SPTLC2: variants seen among roughly 807,000 people sequenced by gnomAD.
The protein encoded by SPTLC2 is serine palmitoyltransferase 2.
A neutral mutation model predicts 62.0 loss-of-function variants in SPTLC2; 21 were observed. The observed-to-expected ratio is 0.34, with a 90% confidence interval of 0.24 to 0.49. The LOEUF (loss-of-function observed/expected upper bound fraction) is 0.49, where lower values mean the gene tolerates loss of function less well. Among genes scored for constraint, SPTLC2 ranks in the 20% least tolerant of loss-of-function variants. The pLI is 0.99. For synonymous variants in SPTLC2, 261 were observed against 261.8 expected (o/e 1.00, Z 0.03); for missense variants, 511 against 713.0 (o/e 0.72, Z 3.23).
At chr14:77,607,570 T>C (rs1330860722) in intron 1 of SPTLC2, among the ~76,000 whole-genome samples, 1 of 152,214 alleles carries the variant, frequency 6.6e-6, no homozygotes, top group Non-Finnish European at 1.5e-5. Context: ...CTTTAATTAT[T>C]TCAGAGGTAC....
At chr14:77,519,328 C>T (rs1192643697) in intron 10 of SPTLC2, among the ~76,000 whole-genome samples, 2 of 152,090 alleles carry the variant, frequency 1.3e-5, no homozygotes, top group Non-Finnish European at 2.9e-5. Flanking sequence ...AGCCACTGTG[C>T]CTGGCCCAAA....
At chr14:77,551,692 A>G (rs1315242077) in intron 9 of SPTLC2, among the ~76,000 whole-genome samples, 4 of 152,194 alleles carry the variant, frequency 2.6e-5, no homozygotes, top group Non-Finnish European at 1.5e-5. Flanking sequence ...GAAAGTAGAA[A>G]CTCTTTAAAA....
chr14:77,573,352 T>C (rs139363702), intron 4 of SPTLC2, among the ~76,000 whole-genome samples: 416 of 152,218 alleles, frequency 2.7e-3, no homozygotes, highest in African/African-American at 9.7e-3. Context: ...TCCCAACATA[T>C]AGAAATAATA....
chr14:77,606,281 A>G (rs2079904568), intron 1 of SPTLC2, among the ~76,000 whole-genome samples: 1 of 152,130 alleles, frequency 6.6e-6, no homozygotes, highest in African/African-American at 2.4e-5. Context: ...AGTGAGCCAA[A>G]ACCGCGTGCC....
Position 77,557,060 on chromosome 14 carries a change from G to A in SPTLC2, c.937C>T (p.Leu313Phe). ...GATTACCTATATATTCCTTCCACAA[G>A]GATGAGAATTTTCTTCCAGGGCCTT... ...TRRPWKKILILVEGIYSMEGS... is the reference protein window; with the variant it reads ...TRRPWKKILIFVEGIYSMEGS... The change falls in exon 7 of 12, where the codon CTT becomes TTT. Residue 313 changes from leucine (L) to phenylalanine (F), a missense_variant. Transcript: ENST00000216484. 6.2e-7 allele frequency: 1 copy of A among 1,613,858 alleles called. No individual in the cohort carries two copies. The highest frequency in any genetic ancestry group is 1.1e-5 in the South Asian group (1 of 91,082).
intron 6 of SPTLC2, among the ~76,000 whole-genome samples, chr14:77,558,736 C>T (rs764653767): frequency 1.3e-4 from 20 of 152,004 alleles, no homozygotes; most frequent in Non-Finnish European, 2.9e-4. Flanking sequence ...ATTCTCCAGC[C>T]TCAGCCTCCT....
At chr14:77,583,087 C>A (rs910492964) in intron 2 of SPTLC2, among the ~76,000 whole-genome samples, 1 of 151,932 alleles carries the variant, frequency 6.6e-6, no homozygotes, top group African/African-American at 2.4e-5. Flanking sequence ...GCAGTCCCAG[C>A]AACGTGGGAG....
At chr14:77,522,419 T>A (rs1294092997) in intron 9 of SPTLC2, among the ~76,000 whole-genome samples, 1 of 152,226 alleles carries the variant, frequency 6.6e-6, no homozygotes, top group Non-Finnish European at 1.5e-5. Context: ...CACCTTGGCC[T>A]CCCAAAGTGC....
In SPTLC2 at chr14:77,559,518, C is replaced by T. The variant is rs574547519; in HGVS notation, c.851-2372G>A. 5.3e-5 allele frequency among the ~76,000 whole-genome samples: 8 copies of T among 152,162 alleles called. No homozygotes were observed. In the East Asian group the frequency reaches 9.6e-4, roughly 18 times the overall value. On this transcript the variant is annotated intron_variant, in intron 6 of 11. Coordinates refer to ENST00000216484, the MANE Select transcript of SPTLC2 (RefSeq NM_004863.4). ...AGGGTATTGTGTAAAATCCGAAAGTCGTAAAACAGTAAGTGTGGCAACAAA... is the reference window on the plus strand; with the variant it reads ...AGGGTATTGTGTAAAATCCGAAAGTTGTAAAACAGTAAGTGTGGCAACAAA...
intron 2 of SPTLC2, among the ~76,000 whole-genome samples, chr14:77,585,579 T>C (rs1178807865): frequency 6.6e-6 from 1 of 152,156 alleles, no homozygotes; most frequent in Non-Finnish European, 1.5e-5. Flanking sequence ...AAAACATGCT[T>C]AGAACTGTCT....
intron 11 of SPTLC2, among the ~76,000 whole-genome samples, chr14:77,513,881 G>C (rs564724539): frequency 4.9e-4 from 55 of 113,210 alleles, no homozygotes; most frequent in Admixed American, 4.1e-3. Flanking sequence ...GGCAACAAGA[G>C]CAAAACTCTG....
At position 77,593,826 on chromosome 14, in the gene SPTLC2, C is replaced by A. The variant is rs1479215544; in HGVS notation, c.327+3360G>T. On this transcript the variant is annotated intron_variant, in intron 2 of 11. Coordinates refer to ENST00000216484, the MANE Select transcript of SPTLC2 (RefSeq NM_004863.4). ...GATCCCAAGCAACCACTTTCCCTCACCTCCTTCCAGTTTAACACTTAATTT... is the reference window on the plus strand; with the variant it reads ...GATCCCAAGCAACCACTTTCCCTCAACTCCTTCCAGTTTAACACTTAATTT... Among the ~76,000 whole-genome samples the A allele has an allele frequency of 3.9e-5, 6 of 152,286 alleles. No homozygotes were observed. In the East Asian group the frequency reaches 7.7e-4, roughly 20 times the overall value.
At chr14:77,572,211 T>G (rs2079687938) in intron 4 of SPTLC2, among the ~76,000 whole-genome samples, 1 of 152,120 alleles carries the variant, frequency 6.6e-6, no homozygotes, top group South Asian at 2.1e-4. Flanking sequence ...GGAGTGCCAG[T>G]TAGAAACTCT....
intron 9 of SPTLC2, among the ~76,000 whole-genome samples, chr14:77,529,538 TG>T (rs1210572517): frequency 6.6e-6 from 1 of 151,648 alleles, no homozygotes; most frequent in Admixed American, 6.6e-5. Flanking sequence ...TTAAGCAAAG[TG>T]AGTAAAGAAA....
intron 5 of SPTLC2, among the ~76,000 whole-genome samples, chr14:77,568,976 G>A (rs1295304470): frequency 2.0e-5 from 3 of 152,138 alleles, no homozygotes; most frequent in Non-Finnish European, 4.4e-5. Flanking sequence ...AGACCCTGGC[G>A]ATGACCTTGA....
intron 9 of SPTLC2, among the ~76,000 whole-genome samples, chr14:77,523,488 C>T (rs1467163554): frequency 7.9e-5 from 12 of 151,966 alleles, no homozygotes; most frequent in Admixed American, 6.6e-4. Context: ...AGGTGGGGTG[C>T]GATGAGAGAG....
chr14:77,516,836 A>C (rs1375160582), intron 11 of SPTLC2, among the ~76,000 whole-genome samples: 1 of 152,252 alleles, frequency 6.6e-6, no homozygotes, highest in Non-Finnish European at 1.5e-5. Context: ...TACTCATAGA[A>C]ATTTTGCTGT....
intron 1 of SPTLC2, among the ~76,000 whole-genome samples, chr14:77,612,029 C>G (rs1169660684): frequency 1.3e-5 from 2 of 152,148 alleles, no homozygotes; most frequent in Non-Finnish European, 2.9e-5. Flanking sequence ...AAAGGACTTA[C>G]TTTTTTATCG....
intron 2 of SPTLC2, among the ~76,000 whole-genome samples, chr14:77,587,298 T>C (rs982762797): frequency 2.6e-5 from 4 of 151,810 alleles, no homozygotes; most frequent in African/African-American, 9.7e-5. Flanking sequence ...TGGAAAACAA[T>C]TTGGCACTAT....
Sources: allele counts gnomAD v4.1 joint callset (sites outside exome capture counted in the v4.1 genomes callset), GRCh38; gene constraint gnomAD v4.1.1; transcripts MANE v1.5; gene names NCBI Gene and HGNC (gene_info 2026-07-23, HGNC 2026-07-21).